The following KDM4C variants were observed in gnomAD, a reference collection of about 807,000 sequenced individuals.
The protein encoded by KDM4C is lysine-specific demethylase 4C.
In KDM4C, 81 loss-of-function variants were observed where a neutral mutation model predicts 129.3. That is an observed-to-expected ratio of 0.63 (90% CI 0.52 to 0.75). The LOEUF is 0.75. Among genes scored for constraint, KDM4C ranks in the 30% least tolerant of loss-of-function variants. The probability of loss-of-function intolerance (pLI) is 0.00; values close to 1 mark genes in which losing one functional copy is unlikely to be tolerated. For synonymous variants in KDM4C, 573 were observed against 456.1 expected (o/e 1.26, Z -3.26); for missense variants, 1,457 against 1,304.0 (o/e 1.12, Z -1.81).
intron 5 of KDM4C, among the ~76,000 whole-genome samples, chr9:6,862,066 C>T (rs1285883308): frequency 6.6e-6 from 1 of 152,152 alleles, no homozygotes; most frequent in Admixed American, 6.5e-5. Flanking sequence ...GCCAACGCGC[C>T]TGACCTACAA....
At chr9:6,856,946 A>G (rs1209413680) in intron 5 of KDM4C, among the ~76,000 whole-genome samples, 1 of 151,730 alleles carries the variant, frequency 6.6e-6, no homozygotes, top group East Asian at 1.9e-4. Flanking sequence ...TTTAGTAGAG[A>G]CGGGGTTTCA....
chr9:6,945,822 A>G (rs913406780), intron 8 of KDM4C, among the ~76,000 whole-genome samples: 2 of 152,158 alleles, frequency 1.3e-5, no homozygotes, highest in African/African-American at 4.8e-5. Context: ...TGTGTTTTTA[A>G]TGTTTGCTTA....
intron 1 of KDM4C, among the ~76,000 whole-genome samples, chr9:6,772,392 G>A (rs1822043875): frequency 6.8e-6 from 1 of 146,858 alleles, no homozygotes; most frequent in Non-Finnish European, 1.5e-5. Context: ...ACGGCGTCTT[G>A]CTCTTGTTGC....
chr9:7,157,195 A>G (rs981728418), intron 19 of KDM4C, among the ~76,000 whole-genome samples: 2 of 152,152 alleles, frequency 1.3e-5, no homozygotes, highest in Non-Finnish European at 2.9e-5. Flanking sequence ...ATTTTTGCAC[A>G]TTGATTTTGT....
chr9:7,115,801 A>G (rs1406861120), intron 18 of KDM4C, among the ~76,000 whole-genome samples: 1 of 152,274 alleles, frequency 6.6e-6, no homozygotes, highest in East Asian at 1.9e-4. Context: ...GAAGCCAGTG[A>G]TTCCAGAGGA....
intron 2 of KDM4C, among the ~76,000 whole-genome samples, chr9:6,805,321 GTCTT>G (rs1829766886): frequency 6.6e-6 from 1 of 152,124 alleles, no homozygotes; most frequent in African/African-American, 2.4e-5. Flanking sequence ...ACTTCTGTGT[GTCTT>G]TCAATTTTAT....
intron 1 of KDM4C, among the ~76,000 whole-genome samples, chr9:6,732,374 A>T (rs1397763807): frequency 3.4e-5 from 4 of 116,270 alleles, no homozygotes; most frequent in Admixed American, 8.0e-5. Context: ...CAAAAAAAAA[A>T]AAAAAAAAAA....
In KDM4C at chr9:6,744,658, G is replaced by A. The variant is rs564732069; in HGVS notation, c.49+23661G>A. ...CAATCCTCCTTCTTGGCCTCCCAATGTACTAGGATTACAGGCATGAGCTGC... is the reference window on the plus strand; with the variant it reads ...CAATCCTCCTTCTTGGCCTCCCAATATACTAGGATTACAGGCATGAGCTGC... On this transcript the variant is annotated intron_variant, in intron 1 of 17. Coordinates refer to the KDM4C transcript ENST00000536108. 9.8e-5 allele frequency among the ~76,000 whole-genome samples: 15 copies of A among 152,316 alleles called. No homozygotes were observed. The East Asian group carries it at 1.2e-3, about 12-fold the overall frequency.
chr9:7,105,654 A>T (rs540256784), intron 18 of KDM4C, among the ~76,000 whole-genome samples: 4 of 152,196 alleles, frequency 2.6e-5, no homozygotes, highest in Admixed American at 6.5e-5. Context: ...CCAAACCCCA[A>T]ACCTCAAATG....
chr9:7,110,227 T>A (rs1340056702), intron 18 of KDM4C, among the ~76,000 whole-genome samples: 1 of 152,228 alleles, frequency 6.6e-6, no homozygotes, highest in Non-Finnish European at 1.5e-5. Flanking sequence ...GAGCCCTGGT[T>A]CTTTTTTATG....
chr9:7,108,447 G>A (rs1412263704), intron 18 of KDM4C, among the ~76,000 whole-genome samples: 1 of 152,134 alleles, frequency 6.6e-6, no homozygotes, highest in Non-Finnish European at 1.5e-5. Context: ...ATGTTGCCCA[G>A]GCTGGTCTTG....
chr9:6,989,218 A>AT (rs1369032550), intron 11 of KDM4C, among the ~76,000 whole-genome samples: 2 of 152,116 alleles, frequency 1.3e-5, no homozygotes, highest in African/African-American at 4.8e-5. Flanking sequence ...GGTCTTACAC[A>AT]TTTTCTTAGA....
chr9:6,904,435 A>C (rs192033213), intron 8 of KDM4C, among the ~76,000 whole-genome samples: 30 of 150,774 alleles, frequency 2.0e-4, no homozygotes, highest in African/African-American at 6.6e-4. Context: ...GGGGCATCAC[A>C]GAACCACAGT....
chr9:6,987,580 T>G (rs116025915), intron 11 of KDM4C, among the ~76,000 whole-genome samples: 47 of 152,296 alleles, frequency 3.1e-4, no homozygotes, highest in African/African-American at 1.1e-3. Flanking sequence ...CTGCTCCTGC[T>G]GGTTTCAACT....
chr9:6,984,343 A>G lies in KDM4C; in HGVS notation c.1293A>G (p.Glu431=). 3.7e-6 allele frequency: 6 copies of G among 1,614,076 alleles called. No homozygotes were observed. The highest frequency in any genetic ancestry group is 5.1e-6 in the Non-Finnish European group (6 of 1,179,918). Residue 431 remains glutamate, a synonymous_variant, in exon 10 of 22, where the codon GAA becomes GAG. Transcript: ENST00000381309. ...KLRNTEASSE[E]ESSASRMQVE... is the part of the protein sequence containing the mutation. ...GGAACACAGAAGCATCTTCAGAAGA[A>G]GAGTCATCTGCTAGCAGGATGCAGG... is the stretch of plus-strand genomic sequence containing the variant.
intron 11 of KDM4C, 103 bp downstream of exon 11, chr9:6,986,769 A>G (rs1374948125): frequency 3.8e-6 from 3 of 799,484 alleles, no homozygotes; most frequent in African/African-American, 1.7e-5. Flanking sequence ...GCACAGATAA[A>G]TAACATTTTA....
intron 1 of KDM4C, among the ~76,000 whole-genome samples, chr9:6,775,010 A>G (rs568829346): frequency 2.6e-5 from 4 of 152,236 alleles, no homozygotes; most frequent in African/African-American, 9.6e-5. Flanking sequence ...AGATTCATCC[A>G]TATTTATTTT....
chr9:7,082,867 T>A (rs1008519459), intron 17 of KDM4C, among the ~76,000 whole-genome samples: 1 of 152,052 alleles, frequency 6.6e-6, no homozygotes, highest in Non-Finnish European at 1.5e-5. Context: ...CAAAAAAAAA[T>A]TGTCAGATTT....
intron 14 of KDM4C, 48 bp downstream of exon 14, chr9:7,014,049 A>T: frequency 6.7e-7 from 1 of 1,492,210 alleles, no homozygotes; most frequent in Non-Finnish European, 9.2e-7. Context: ...AGCATTTCAC[A>T]TCATCTTTAT....
Sources: gnomAD v4.1 joint callset for allele counts (sites outside exome capture counted in the v4.1 genomes callset) on GRCh38, gnomAD v4.1.1 for gene constraint, MANE v1.5 for transcripts, NCBI Gene and HGNC (gene_info 2026-07-23, HGNC 2026-07-21) for gene names.